The following CSMD1 variants were observed in gnomAD, a reference collection of about 807,000 sequenced individuals.
CSMD1 encodes the protein CUB and sushi domain-containing protein 1.
CSMD1 carries 213 observed loss-of-function variants against 417.5 expected under a neutral mutation model. The observed-to-expected ratio is 0.51, with a 90% CI of 0.46 to 0.57. CSMD1 has a LOEUF of 0.57. Among genes scored for constraint, CSMD1 ranks in the 20% least tolerant of loss-of-function variants. The pLI is 0.00. For synonymous variants in CSMD1, 2,862 were observed against 1,736.8 expected (o/e 1.65, Z -16.11); for missense variants, 6,923 against 4,529.7 (o/e 1.53, Z -15.17).
At chr8:4,535,200 G>A (rs1485887138) in intron 2 of CSMD1, among the ~76,000 whole-genome samples, 1 of 152,126 alleles carries the variant, frequency 6.6e-6, no homozygotes, top group Non-Finnish European at 1.5e-5. Flanking sequence ...AGAACTGCTT[G>A]AAATATCAAT....
intron 1 of CSMD1, among the ~76,000 whole-genome samples, chr8:4,928,149 G>A (rs1009206963): frequency 7.9e-5 from 12 of 152,156 alleles, no homozygotes; most frequent in Non-Finnish European, 1.2e-4. Flanking sequence ...CACGTGGGAC[G>A]CACACATAGA....
chr8:3,868,638 T>G (rs1304134955), intron 5 of CSMD1, among the ~76,000 whole-genome samples: 1 of 152,184 alleles, frequency 6.6e-6, no homozygotes, highest in Admixed American at 6.5e-5. Context: ...AACAAGTTCC[T>G]AATATTTCTC....
intron 1 of CSMD1, among the ~76,000 whole-genome samples, chr8:4,705,013 T>C (rs890866617): frequency 3.9e-5 from 6 of 152,202 alleles, no homozygotes; most frequent in South Asian, 2.1e-4. Context: ...TCCTGTAATT[T>C]TGGATCATGG....
chr8:4,940,423 A>G lies in CSMD1; in HGVS notation c.85+53909T>C, dbSNP rs141761229. On this transcript the variant is annotated intron_variant, in intron 1 of 69. Coordinates refer to ENST00000635120, the MANE Select transcript of CSMD1 (RefSeq NM_033225.6). ...AAGAAATTCCAATTATGTGTAAAAT[A>G]TGTACTTTGATTCTCTTTAATTATA... Among the ~76,000 whole-genome samples the G allele has an allele frequency of 5.1e-3, 779 of 152,320 alleles. 5 individuals carry two copies. The highest frequency in any genetic ancestry group is 0.011 in the South Asian group (52 of 4,824).
At chr8:4,588,234 A>C (rs1273847269) in intron 2 of CSMD1, among the ~76,000 whole-genome samples, 1 of 151,988 alleles carries the variant, frequency 6.6e-6, no homozygotes, top group African/African-American at 2.4e-5. Context: ...GTTGATTACA[A>C]CTCAATGGCC....
chr8:4,027,739 G>C (rs1027325152), intron 4 of CSMD1, among the ~76,000 whole-genome samples: 3 of 152,144 alleles, frequency 2.0e-5, no homozygotes, highest in Admixed American at 6.6e-5. Flanking sequence ...CTTGAAGCCA[G>C]TCTGTTTGAG....
intron 8 of CSMD1, among the ~76,000 whole-genome samples, chr8:3,610,267 C>T (rs1366343595): frequency 3.3e-5 from 5 of 152,048 alleles, no homozygotes; most frequent in South Asian, 2.1e-4. Flanking sequence ...GGGCTGGGCA[C>T]GGTATCAGTA....
At chr8:4,950,173 T>G (rs1808646780) in intron 1 of CSMD1, among the ~76,000 whole-genome samples, 2 of 152,214 alleles carry the variant, frequency 1.3e-5, no homozygotes, top group South Asian at 4.1e-4. Flanking sequence ...TATATGATTG[T>G]GCTATCATAA....
chr8:3,386,226 A>AC (rs1238850671), intron 18 of CSMD1, among the ~76,000 whole-genome samples: 2 of 152,204 alleles, frequency 1.3e-5, no homozygotes, highest in African/African-American at 4.8e-5. Context: ...TCAGAAACTT[A>AC]GCAGAAAGCA....
intron 3 of CSMD1, among the ~76,000 whole-genome samples, chr8:4,175,460 C>T (rs1295245479): frequency 1.0e-5 from 1 of 97,560 alleles, no homozygotes; most frequent in Non-Finnish European, 2.4e-5. Flanking sequence ...TTTATGATAG[C>T]AAAAGCATCC....
At chr8:3,343,854 C>G (rs186071727) in intron 22 of CSMD1, among the ~76,000 whole-genome samples, 5 of 152,266 alleles carry the variant, frequency 3.3e-5, no homozygotes, top group African/African-American at 1.2e-4. Context: ...GAACTCTCAA[C>G]TAAGTCAAAG....
At chr8:4,750,820 T>A (rs188582146) in intron 1 of CSMD1, among the ~76,000 whole-genome samples, 280 of 152,194 alleles carry the variant, frequency 1.8e-3, no homozygotes, top group African/African-American at 6.5e-3. Flanking sequence ...CTTGTTTCAG[T>A]ATCAAGGGTC....
chr8:3,649,088 G>C (rs1797719282), intron 7 of CSMD1, among the ~76,000 whole-genome samples: 1 of 152,108 alleles, frequency 6.6e-6, no homozygotes. Flanking sequence ...TCTTTCTCTA[G>C]CACTCTGTCT....
At chr8:3,661,498 A>AT (rs34099214) in intron 7 of CSMD1, among the ~76,000 whole-genome samples, 2,008 of 151,118 alleles carry the variant, frequency 0.013, 47 homozygotes, top group African/African-American at 0.045. Context: ...AATTAAACTG[A>AT]TTTTTTTTTC....
At chr8:3,360,677 C>T (rs1017705888) in intron 20 of CSMD1, among the ~76,000 whole-genome samples, 6 of 152,242 alleles carry the variant, frequency 3.9e-5, no homozygotes, top group East Asian at 1.9e-4. Context: ...CTTAGTTTAC[C>T]GTGGGGAAGA....
chr8:4,970,111 G>A (rs1013898326), intron 1 of CSMD1, among the ~76,000 whole-genome samples: 2 of 151,726 alleles, frequency 1.3e-5, no homozygotes, highest in Admixed American at 6.6e-5. Flanking sequence ...TAAAGTAATT[G>A]TATGTAAAAA....
intron 3 of CSMD1, among the ~76,000 whole-genome samples, chr8:4,087,999 A>C (rs1800509849): frequency 6.6e-6 from 1 of 152,132 alleles, no homozygotes; most frequent in Non-Finnish European, 1.5e-5. Context: ...AAGAACGTCT[A>C]ACTTTATTAG....
At chr8:4,459,131 C>G (rs1360826549) in intron 2 of CSMD1, among the ~76,000 whole-genome samples, 1 of 152,210 alleles carries the variant, frequency 6.6e-6, no homozygotes, top group Non-Finnish European at 1.5e-5. Context: ...AGGCCACCAT[C>G]CTTTCTCATC....
chr8:3,790,554 C>T (rs767619748), intron 5 of CSMD1, among the ~76,000 whole-genome samples: 2 of 152,126 alleles, frequency 1.3e-5, no homozygotes, highest in Non-Finnish European at 2.9e-5. Context: ...GAAACTTAGA[C>T]AACTAGGAAC....
Sources: gnomAD v4.1 joint callset for allele counts (sites outside exome capture counted in the v4.1 genomes callset) on GRCh38, gnomAD v4.1.1 for gene constraint, MANE v1.5 for transcripts, NCBI Gene and HGNC (gene_info 2026-07-23, HGNC 2026-07-21) for gene names.